Variants in L2HGDH observed in about 807,000 individuals in gnomAD.
L2HGDH encodes L-2-hydroxyglutarate dehydrogenase, mitochondrial.
In L2HGDH, 34 loss-of-function variants were observed where a neutral mutation model predicts 51.5. The ratio of observed to expected loss-of-function variants is 0.66; its 90% CI spans 0.50 to 0.88. The LOEUF (loss-of-function observed/expected upper bound fraction) is 0.88. L2HGDH is among the 40% of genes least tolerant of loss of function. The pLI, the probability that L2HGDH is intolerant of heterozygous loss-of-function variation, is 0.00. For missense variants in L2HGDH, 558 were observed against 571.9 expected (o/e 0.98, Z 0.25); for synonymous variants, 198 against 197.9 (o/e 1.00, Z -0.01).
chr14:50,305,535 T>C (rs531073005), intron 1 of L2HGDH, among the ~76,000 whole-genome samples: 188 of 152,356 alleles, frequency 1.2e-3, no homozygotes, highest in African/African-American at 4.1e-3. Flanking sequence ...ATTTACAGAT[T>C]GACCCTTTAC....
At chr14:50,276,741 CT>C (rs1161956116) in intron 6 of L2HGDH, among the ~76,000 whole-genome samples, 1 of 152,204 alleles carries the variant, frequency 6.6e-6, no homozygotes, top group African/African-American at 2.4e-5. Flanking sequence ...GACTTTTAGC[CT>C]CCAGAACTGT....
chr14:50,304,884 C>T lies in L2HGDH; in HGVS notation c.141-1867G>A, dbSNP rs866424985. On this transcript the variant is annotated intron_variant, in intron 1 of 9. Coordinates refer to ENST00000267436, the MANE Select transcript of L2HGDH (RefSeq NM_024884.3). ...GTATAATTTATATAAATCTGCAATT[C>T]GAAGCTTAAAAGATTACCTTTAACA... is the stretch of plus-strand genomic sequence containing the variant. 2.0e-4 allele frequency among the ~76,000 whole-genome samples: 30 copies of T among 152,158 alleles called. No homozygotes were observed. The East Asian group carries it at 4.2e-3, about 22-fold the overall frequency.
Position 50,242,870 on chromosome 14 carries a change from G to A in L2HGDH, c.*4188C>T. ...GTCTAGACACAGATTAAGGGCCCAGGAGGGCAGAGCCAGTCCTTAAACAAT... is the reference window on the plus strand; with the variant it reads ...GTCTAGACACAGATTAAGGGCCCAGAAGGGCAGAGCCAGTCCTTAAACAAT... On this transcript the variant is annotated 3_prime_UTR_variant, in exon 10 of 10. Coordinates refer to ENST00000267436, the MANE Select transcript of L2HGDH (RefSeq NM_024884.3). 1.0e-6 allele frequency: 1 copy of A among 985,442 alleles called. No homozygotes were observed. The highest frequency in any genetic ancestry group is 1.2e-6 in the Non-Finnish European group (1 of 829,950). The allele number at this position is 985,442 out of a possible 1,614,324, so 61.0% of individuals were successfully genotyped here. A position where few individuals can be genotyped will look rare whatever the true frequency, so the allele number is the denominator to read the frequency against.
chr14:50,243,539 T>TTTA lies in L2HGDH; in HGVS notation c.*3516_*3518dup. ...TTCTTCTGTCAGAAATACATAAAAC[T>TTTA]TTATTATATCAGTATTAAACAAAAA... On this transcript the variant is annotated 3_prime_UTR_variant, in exon 10 of 10. Transcript: ENST00000267436. 2.7e-6 allele frequency: 2 copies of TTTA among 738,284 alleles called. No homozygotes were observed. The highest frequency in any genetic ancestry group is 3.3e-6 in the Non-Finnish European group (2 of 605,046). The allele number at this position is 738,284 out of a possible 1,614,324, so 45.7% of individuals were successfully genotyped here.
intron 6 of L2HGDH, among the ~76,000 whole-genome samples, chr14:50,270,444 A>G (rs776587311): frequency 2.6e-5 from 4 of 152,132 alleles, no homozygotes; most frequent in Non-Finnish European, 4.4e-5. Flanking sequence ...TTGAAGCCTC[A>G]GAGTTCTCAC....
intron 3 of L2HGDH, among the ~76,000 whole-genome samples, chr14:50,296,217 CA>C (rs1323823488): frequency 4.6e-5 from 7 of 150,898 alleles, no homozygotes; most frequent in African/African-American, 1.7e-4. Context: ...CAAAAAAATA[CA>C]AAAAAATTAG....
At position 50,303,743 on chromosome 14, in the gene L2HGDH, C is replaced by T. The variant is rs1160487730; in HGVS notation, c.141-726G>A. 2.0e-5 allele frequency among the ~76,000 whole-genome samples: 3 copies of T among 147,186 alleles called. No individual in the cohort carries two copies. In the Admixed American group the frequency reaches 2.1e-4, roughly 10 times the overall value. On this transcript the variant is annotated intron_variant, in intron 1 of 9. Coordinates refer to ENST00000267436, the MANE Select transcript of L2HGDH (RefSeq NM_024884.3). Reference sequence around the variant, plus strand: ...AATGAGCCGAGGTCATGCCACTGCACTCCAGTCCAGCCTGGGAGACAGCGC... The same window carrying T: ...AATGAGCCGAGGTCATGCCACTGCATTCCAGTCCAGCCTGGGAGACAGCGC...
intron 9 of L2HGDH, among the ~76,000 whole-genome samples, chr14:50,247,980 TG>T (rs1441217068): frequency 6.6e-6 from 1 of 152,100 alleles, no homozygotes; most frequent in Admixed American, 6.5e-5. Context: ...AATTTTTTTT[TG>T]TAGAGACAAG....
At chr14:50,276,469 C>G (rs1049586014) in intron 6 of L2HGDH, among the ~76,000 whole-genome samples, 1 of 151,544 alleles carries the variant, frequency 6.6e-6, no homozygotes, top group Non-Finnish European at 1.5e-5. Flanking sequence ...TGTGCCCCCC[C>G]CACCCCAATT....
At chr14:50,278,962 A>G (rs984755669) in intron 5 of L2HGDH, among the ~76,000 whole-genome samples, 1 of 152,262 alleles carries the variant, frequency 6.6e-6, no homozygotes, top group African/African-American at 2.4e-5. Context: ...TGCAGGTTCT[A>G]TGTTGTTTAG....
At chr14:50,249,848 G>C (rs1262228917) in intron 9 of L2HGDH, among the ~76,000 whole-genome samples, 2 of 147,558 alleles carry the variant, frequency 1.4e-5, no homozygotes, top group Non-Finnish European at 3.0e-5. Context: ...GCAACAAGCA[G>C]GTTCTTGGGG....
chr14:50,243,407 G>A lies in L2HGDH; in HGVS notation c.*3651C>T. 1.0e-6 allele frequency: 1 copy of A among 977,296 alleles called. No homozygotes were observed. Among genetic ancestry groups the A allele is most frequent in the Non-Finnish European group, 1.2e-6 (1 of 822,834 alleles). 60.5% of individuals were successfully genotyped at this position (977,296 alleles called of 1,614,324 possible). The stretch of plus-strand genomic sequence containing the variant: ...TATCTATCTAAAGCAAACAGTTTAT[G>A]TTTTACACATAAAAAAATTTATTTG... On this transcript the variant is annotated 3_prime_UTR_variant, in exon 10 of 10. Coordinates refer to ENST00000267436, the MANE Select transcript of L2HGDH (RefSeq NM_024884.3).
At chr14:50,248,884 GAA>G (rs1400452386) in intron 9 of L2HGDH, among the ~76,000 whole-genome samples, 1 of 152,166 alleles carries the variant, frequency 6.6e-6, no homozygotes, top group Non-Finnish European at 1.5e-5. Flanking sequence ...TCATATCTTT[GAA>G]AGAGGCATTG....
At chr14:50,300,317 C>T (rs369354445) in intron 3 of L2HGDH, among the ~76,000 whole-genome samples, 10 of 152,134 alleles carry the variant, frequency 6.6e-5, no homozygotes, top group Admixed American at 5.9e-4. Flanking sequence ...CTTCTTGAGA[C>T]AGAGTCTCAC....
At chr14:50,268,023 T>G (rs1889446167) in intron 7 of L2HGDH, 113 bp from the exon 8 acceptor site, 1 of 1,026,350 alleles carries the variant, frequency 9.7e-7, no homozygotes, top group Admixed American at 1.8e-5. Flanking sequence ...TAATTTGTAT[T>G]GTGAGCTGTA....
At chr14:50,273,353 G>A (rs1595096678) in intron 6 of L2HGDH, among the ~76,000 whole-genome samples, 1 of 152,170 alleles carries the variant, frequency 6.6e-6, no homozygotes, top group African/African-American at 2.4e-5. Context: ...ACATGATTAG[G>A]TGTAAAGATA....
chr14:50,300,096 T>G (rs1176557420), intron 3 of L2HGDH: 1 of 152,082 alleles, frequency 6.6e-6, no homozygotes, highest in African/African-American at 2.4e-5. Context: ...TGGAAAGATA[T>G]TTGTTAAAGG....
In L2HGDH at chr14:50,267,734, T is replaced by A. The variant is rs201055916; in HGVS notation, c.1064+19A>T. The A allele has an allele frequency of 1.9e-6, 3 of 1,575,140 alleles. No homozygotes were observed. The highest frequency in any genetic ancestry group is 1.7e-6 in the Non-Finnish European group (2 of 1,147,786). On this transcript the variant is annotated intron_variant, in intron 8 of 9. Transcript: ENST00000267436. ...AAATATAAGCACATAAAATCATTTT[T>A]AAAAATAAATAATGTTACCTATTGA...
At chr14:50,276,144 T>C (rs1045299313) in intron 6 of L2HGDH, among the ~76,000 whole-genome samples, 6 of 152,200 alleles carry the variant, frequency 3.9e-5, no homozygotes, top group African/African-American at 1.2e-4. Context: ...AGTATTCCCA[T>C]GTACTGTTAT....
Sources: gnomAD v4.1 joint callset for allele counts (sites outside exome capture counted in the v4.1 genomes callset) on GRCh38, gnomAD v4.1.1 for gene constraint, MANE v1.5 for transcripts, NCBI Gene and HGNC (gene_info 2026-07-23, HGNC 2026-07-21) for gene names.